ST7L: variants seen among roughly 807,000 people sequenced by gnomAD.
ST7L encodes suppressor of tumorigenicity 7 protein-like.
Under a neutral mutation model 72.5 loss-of-function variants are expected in ST7L, and 57 were observed. The observed-to-expected ratio is 0.79, with a 90% CI of 0.64 to 0.98. ST7L has a LOEUF of 0.98. Ranked by LOEUF, ST7L falls within the 50% of genes least tolerant of loss-of-function variation. The probability of loss-of-function intolerance (pLI) is 0.00; values close to 1 mark genes in which losing one functional copy is unlikely to be tolerated. For missense variants in ST7L, 576 were observed against 672.2 expected (o/e 0.86, Z 1.58); for synonymous variants, 221 against 240.9 (o/e 0.92, Z 0.77).
chr1:112,598,929 G>A (rs896237819), intron 4 of ST7L, among the ~76,000 whole-genome samples: 3 of 149,686 alleles, frequency 2.0e-5, no homozygotes, highest in East Asian at 2.0e-4. Context: ...ATGTGGTAGC[G>A]GCCGCCTGTG....
intron 3 of ST7L, among the ~76,000 whole-genome samples, chr1:112,602,823 C>T (rs1293698717): frequency 6.7e-6 from 1 of 149,138 alleles, no homozygotes; most frequent in Non-Finnish European, 1.5e-5. Context: ...TCACGCCATT[C>T]TCCTGCCTCA....
intron 13 of ST7L, among the ~76,000 whole-genome samples, chr1:112,550,341 T>G (rs7554430): frequency 0.02 from 3,060 of 152,316 alleles, 101 homozygotes; most frequent in African/African-American, 0.069. Flanking sequence ...TGGCACTATT[T>G]CTTTTCTAAA....
Position 112,555,885 on chromosome 1 carries a change from T to C in ST7L, c.1379A>G (p.Gln460Arg), listed in dbSNP as rs1476545522. The C allele has an allele frequency of 6.3e-7, 1 of 1,596,042 alleles. No homozygotes were observed. Among genetic ancestry groups the C allele is most frequent in the East Asian group, 2.2e-5 (1 of 44,526 alleles). ...ATACTTACTGCCTTCCCATGTACAC[T>C]GTAACAGATTAAGAGCACCTTCTAT... ...KRIEGALNLLQCTWEGTFRMI... is the reference protein window; with the variant it reads ...KRIEGALNLLRCTWEGTFRMI... Residue 460 changes from glutamine (Q) to arginine (R), a missense_variant, in exon 12 of 15, where the codon CAG (glutamine) becomes CGG (arginine). By Grantham distance (43) the Gln-to-Arg change is conservative. Around this residue, in one of 3 missense-constraint regions of ST7L, gnomAD observed 511 missense variants for 600.7 expected, o/e 0.85. Transcript: ENST00000358039.
intron 5 of ST7L, among the ~76,000 whole-genome samples, chr1:112,591,965 T>C (rs559437528): frequency 1.3e-5 from 2 of 152,186 alleles, no homozygotes; most frequent in East Asian, 1.9e-4. Flanking sequence ...ACTTTTATCA[T>C]TCTGAAAAGG....
chr1:112,550,427 CAATAATTATT>C (rs1657921758), intron 13 of ST7L, among the ~76,000 whole-genome samples, 164 bp downstream of exon 13: 1 of 152,074 alleles, frequency 6.6e-6, no homozygotes, highest in African/African-American at 2.4e-5. Flanking sequence ...GAGTTTTGCT[CAATAATTATT>C]AGGAAATAAA....
chr1:112,560,325 C>T (rs766538518), intron 11 of ST7L, among the ~76,000 whole-genome samples: 6 of 149,648 alleles, frequency 4.0e-5, no homozygotes, highest in South Asian at 2.1e-4. Context: ...GCCCGGGAGG[C>T]GGAGTTTGCA....
rs1467358908 is a variant in ST7L, at chr1:112,618,902, C to T, written c.205+7G>A. On this transcript the variant is annotated splice_region_variant and intron_variant, in intron 1 of 14. Transcript: ENST00000358039. ...CCGCCCTGCCCCAGGAGGTCTGGTC[C>T]TCTCACCCGCTGCCAAATTCTCACA... is the stretch of plus-strand genomic sequence containing the variant. 1 of 1,554,944 alleles carries T rather than the reference C, an allele frequency of 6.4e-7. No individual in the cohort carries two copies. Among genetic ancestry groups the T allele is most frequent in the South Asian group, 1.2e-5 (1 of 84,454 alleles).
intron 12 of ST7L, 54 bp downstream of exon 12, chr1:112,555,814 G>T (rs192633790): frequency 7.3e-7 from 1 of 1,374,986 alleles, no homozygotes; most frequent in Non-Finnish European, 9.6e-7. Flanking sequence ...GACTGCCTGT[G>T]AATTCAATGA....
At chr1:112,619,670 G>A (rs1045058877), upstream of ST7L, 22 of 590,336 alleles carry the variant, frequency 3.7e-5, no homozygotes, top group Admixed American at 1.2e-4. Context: ...TTCCTGGGGC[G>A]CGGGCGCGGG....
At chr1:112,521,229 C>T (rs932573896), downstream of ST7L, 3 of 152,058 alleles carry the variant, frequency 2.0e-5, no homozygotes, top group African/African-American at 7.3e-5. Context: ...GCAGTGGTTC[C>T]CATGCTTAAC....
chr1:112,603,376 C>T (rs1019769589), intron 3 of ST7L, among the ~76,000 whole-genome samples: 4 of 152,280 alleles, frequency 2.6e-5, no homozygotes, highest in Non-Finnish European at 4.4e-5. Context: ...CATAACAGAG[C>T]ATGCAAAGTT....
chr1:112,555,027 G>C (rs1164810942), intron 12 of ST7L, among the ~76,000 whole-genome samples: 2 of 152,072 alleles, frequency 1.3e-5, no homozygotes, highest in African/African-American at 4.8e-5. Context: ...TTCAGTTTGG[G>C]ATAATGAAAA....
Position 112,555,977 on chromosome 1 carries a change from G to A in ST7L, c.1287C>T (p.His429=). 6.2e-7 allele frequency: 1 copy of A among 1,608,828 alleles called. No individual in the cohort carries two copies. Among genetic ancestry groups the A allele is most frequent in the South Asian group, 1.1e-5 (1 of 90,088 alleles). The change falls in exon 12 of 15, where the codon CAC becomes CAT. Residue 429 remains histidine, a synonymous_variant. Transcript: ENST00000358039. The part of the protein sequence containing the change: ...EMKSLILPPE[H]ILKRGDSEAI... ...CTTCACTATCACCCCGTTTCAGAAT[G>A]TGTTCTGGAGGTAAAATTAAACTTT...
chr1:112,571,820 C>A (rs1000244867), intron 11 of ST7L, among the ~76,000 whole-genome samples: 1 of 152,124 alleles, frequency 6.6e-6, no homozygotes, highest in African/African-American at 2.4e-5. Flanking sequence ...ACTTCCAGAC[C>A]ACTGCAATAA....
At chr1:112,618,639 C>T (rs1233492147) in intron 1 of ST7L, 1 of 599,946 alleles carries the variant, frequency 1.7e-6, no homozygotes. Context: ...ATACCTGAAG[C>T]TTATAGCTTG....
In ST7L at chr1:112,573,824, G is replaced by A. The variant is rs377323557; in HGVS notation, c.1245+3162C>T. Among the ~76,000 whole-genome samples the A allele has an allele frequency of 2.3e-4, 35 of 151,798 alleles. No homozygotes were observed. In the South Asian group the frequency reaches 7.1e-3, roughly 31 times the overall value. ...CGGGCAGATCGCTTGAGCCCAGGAGGTGGAGGTTGCAGTGGGCCAAGATCA... is the reference window on the plus strand; with the variant it reads ...CGGGCAGATCGCTTGAGCCCAGGAGATGGAGGTTGCAGTGGGCCAAGATCA... On this transcript the variant is annotated intron_variant, in intron 11 of 14. Transcript: ENST00000358039.
chr1:112,524,930 A>G lies in ST7L; in HGVS notation c.*1083T>C, dbSNP rs1653175733. On this transcript the variant is annotated 3_prime_UTR_variant, in exon 15 of 15. Coordinates refer to ENST00000358039, the MANE Select transcript of ST7L (RefSeq NM_017744.5). ...CTGGCTTTAATCAAGGAATATCTAC[A>G]AAGTCACATTACCAACCTGCAGGCA... The G allele has an allele frequency of 6.6e-6, 1 of 152,242 alleles. No individual in the cohort carries two copies. Among genetic ancestry groups the G allele is most frequent in the African/African-American group, 2.4e-5 (1 of 41,454 alleles). The allele number at this position is 152,242 out of a possible 1,614,324, so 9.4% of individuals were successfully genotyped here. A position where few individuals can be genotyped will look rare whatever the true frequency, so the allele number is the denominator to read the frequency against.
intron 11 of ST7L, among the ~76,000 whole-genome samples, chr1:112,570,105 T>G (rs940710774): frequency 6.6e-6 from 1 of 152,018 alleles, no homozygotes; most frequent in Non-Finnish European, 1.5e-5. Flanking sequence ...ACAATTCATA[T>G]AGTAGCTGAA....
At chr1:112,576,325 C>A (rs1663106025) in intron 11 of ST7L, among the ~76,000 whole-genome samples, 1 of 152,102 alleles carries the variant, frequency 6.6e-6, no homozygotes, top group Non-Finnish European at 1.5e-5. Context: ...CTCCTGGGCT[C>A]AAGTAATCCT....
Sources: gnomAD v4.1 joint callset for allele counts (sites outside exome capture counted in the v4.1 genomes callset) on GRCh38, gnomAD v4.1.1 for gene constraint, gnomAD v4.1.1 regional missense constraint, MANE v1.5 for transcripts, NCBI Gene and HGNC (gene_info 2026-07-23, HGNC 2026-07-21) for gene names.